ARAP1: variants seen among roughly 807,000 people sequenced by gnomAD.
ARAP1 encodes the protein ArfGAP with RhoGAP domain, ankyrin repeat and PH domain 1.
A neutral mutation model predicts 172.2 loss-of-function variants in ARAP1; 76 were observed. The ratio of observed to expected loss-of-function variants is 0.44; its 90% CI spans 0.37 to 0.53. The LOEUF (loss-of-function observed/expected upper bound fraction) is 0.53. ARAP1 is among the 20% of genes least tolerant of loss of function. ARAP1 has a pLI of 0.00. For synonymous variants in ARAP1, 804 were observed against 803.3 expected, an observed-to-expected ratio of 1.00 and a Z score of -0.01; for missense variants, 1,686 against 1,977.5, an observed-to-expected ratio of 0.85 and a Z score of 2.80.
intron 11 of ARAP1, chr11:72,708,470 G>C (rs1856863223): frequency 6.3e-6 from 1 of 158,276 alleles, no homozygotes; most frequent in Admixed American, 6.2e-5. Context: ...GAGAACGCCC[G>C]TCAGGCGGGG....
rs1172894301 is a variant in ARAP1, at chr11:72,725,473, G to C, written c.509+1147C>G. Among the ~76,000 whole-genome samples, 4 of 152,174 alleles carry C rather than the reference G, an allele frequency of 2.6e-5. No individual in the cohort carries two copies. Among genetic ancestry groups the C allele is most frequent in the South Asian group, 2.1e-4 (1 of 4,816 alleles). ...CCTGGAGAGACCCTATACCTGTTAC[G>C]AGTTGTGTGAACCCAGGAAGAGCAT... On this transcript the variant is annotated intron_variant, in intron 3 of 34. Transcript: ENST00000393609. The surrounding 1 kb of genome is among the most constrained non-coding windows in gnomAD (Gnocchi z 4.3).
In ARAP1 at chr11:72,710,702, A is replaced by C; in HGVS notation, c.1214-115T>G. 1 of 1,176,742 alleles carries C rather than the reference A, an allele frequency of 8.5e-7. No individual in the cohort carries two copies. The highest frequency in any genetic ancestry group is 1.2e-6 in the Non-Finnish European group (1 of 859,142). 72.9% of individuals were successfully genotyped at this position (1,176,742 alleles called of 1,614,324 possible). On this transcript the variant is annotated intron_variant, in intron 9 of 34. Transcript: ENST00000393609. The surrounding 1 kb of genome is among the most constrained non-coding windows in gnomAD (Gnocchi z 4.3). ...CCAGAAAGCCCACTCAGATGCCCCCATCATTTTGCTTGACTTCTCTGACTT... is the reference window on the plus strand; with the variant it reads ...CCAGAAAGCCCACTCAGATGCCCCCCTCATTTTGCTTGACTTCTCTGACTT...
chr11:72,688,443 G>C lies in ARAP1; in HGVS notation c.4070+12C>G. On this transcript the variant is annotated intron_variant, in intron 31 of 34. Transcript: ENST00000393609. Reference sequence around the variant, plus strand: ...CCCCAGTAGCAGGCCTATCTGCCCAGTCCCAGCTTACCAGGTGGGTGGCCT... The same window carrying C: ...CCCCAGTAGCAGGCCTATCTGCCCACTCCCAGCTTACCAGGTGGGTGGCCT... The C allele has an allele frequency of 1.2e-6, 2 of 1,609,400 alleles. No homozygotes were observed. The highest frequency in any genetic ancestry group is 1.7e-6 in the Non-Finnish European group (2 of 1,177,530).
In ARAP1 at chr11:72,726,856, T is replaced by C; in HGVS notation, c.273A>G (p.Ser91=). The C allele has an allele frequency of 6.4e-7, 1 of 1,552,132 alleles. No individual in the cohort carries two copies. The highest frequency in any genetic ancestry group is 8.7e-7 in the Non-Finnish European group (1 of 1,150,386). Reference sequence around the variant, plus strand: ...CGGGTGGAGTGGCAGGCACAGGTGGTGAGCGGAAGATGTGGCGCTTCATGG... The same window carrying C: ...CGGGTGGAGTGGCAGGCACAGGTGGCGAGCGGAAGATGTGGCGCTTCATGG... ...PVPMKRHIFR[S]PPVPATPPEP... Residue 91 remains serine, a synonymous_variant, in exon 3 of 35, where the codon TCA becomes TCG. Transcript: ENST00000393609. This position sits in a 1 kb window ranked among gnomAD's most constrained non-coding sequence, Gnocchi z 6.5.
rs1591175290 is a variant in ARAP1 at position 72,693,794 on chromosome 11, G to A, written c.3706C>T (p.His1236Tyr). 6.2e-7 allele frequency: 1 copy of A among 1,603,028 alleles called. No individual in the cohort carries two copies. Among genetic ancestry groups the A allele is most frequent in the African/African-American group, 1.3e-5 (1 of 74,798 alleles). ...ATGGGCAGCACCTTCTCCGCAAAGTGCAGGGGGCGCTCTGGGGAGAGGTCA... is the reference window on the plus strand; with the variant it reads ...ATGGGCAGCACCTTCTCCGCAAAGTACAGGGGGCGCTCTGGGGAGAGGTCA... Reference protein sequence around the residue: ...NEREEAERPLHFAEKVLPILH... With the variant: ...NEREEAERPLYFAEKVLPILH... The change falls in exon 28 of 35, where the codon CAC (histidine) becomes TAC (tyrosine). Residue 1236 changes from histidine (H) to tyrosine (Y), a missense_variant. His to Tyr is a moderately conservative substitution (Grantham distance 83). Transcript: ENST00000393609. This position sits in a 1 kb window ranked among gnomAD's most constrained non-coding sequence, Gnocchi z 4.6.
chr11:72,736,019 A>G (rs1000618363), intron 1 of ARAP1, among the ~76,000 whole-genome samples: 3 of 152,212 alleles, frequency 2.0e-5, no homozygotes, highest in Admixed American at 1.3e-4. Context: ...AATTGAAAAA[A>G]GAAGTTCAGA....
In ARAP1 at chr11:72,687,482, T is replaced by C; in HGVS notation, c.4142A>G (p.Gln1381Arg). ...AGCGAACCACTCCCGGAGCTCCATC[T>C]GTGTGTCACAGCAGAGGTACCTGCA... is the stretch of plus-strand genomic sequence containing the variant. ...KQQWYLCCDT[Q>R]MELREWFATF... is the part of the protein sequence containing the mutation. Residue 1381 changes from glutamine (Q) to arginine (R), a missense_variant, in exon 33 of 35, where the codon CAG (glutamine) becomes CGG (arginine). Physicochemically the swap from Gln to Arg is conservative, Grantham distance 43 (BLOSUM62 1). Transcript: ENST00000393609. The C allele has an allele frequency of 6.2e-7, 1 of 1,614,180 alleles. No homozygotes were observed. The highest frequency in any genetic ancestry group is 8.5e-7 in the Non-Finnish European group (1 of 1,180,024).
rs76602534 is a variant in ARAP1 at position 72,735,817 on chromosome 11, G to A, written c.-127-3220C>T. Among the ~76,000 whole-genome samples, 644 of 152,288 alleles carry A rather than the reference G, an allele frequency of 4.2e-3. 3 individuals carry two copies. Among genetic ancestry groups the A allele is most frequent in the African/African-American group, 0.015 (616 of 41,556 alleles). ...GGCATCTGGCTAACATCAAAGACACGGTGACTCGGCACTGACACCTCTTTG... is the reference window on the plus strand; with the variant it reads ...GGCATCTGGCTAACATCAAAGACACAGTGACTCGGCACTGACACCTCTTTG... On this transcript the variant is annotated intron_variant, in intron 1 of 34. Coordinates refer to ENST00000393609, the MANE Select transcript of ARAP1 (RefSeq NM_001040118.3).
At chr11:72,717,444 G>A (rs1370412753) in intron 3 of ARAP1, among the ~76,000 whole-genome samples, 3 of 152,156 alleles carry the variant, frequency 2.0e-5, no homozygotes, top group African/African-American at 7.2e-5. Context: ...GGGGAAGGTG[G>A]TAACCATAAA....
chr11:72,745,817 G>A lies in ARAP1; in HGVS notation c.-128+6511C>T, dbSNP rs192268544. Among the ~76,000 whole-genome samples the A allele has an allele frequency of 6.4e-3, 980 of 152,258 alleles. 5 individuals carry two copies. Among genetic ancestry groups the A allele is most frequent in the African/African-American group, 0.019 (803 of 41,558 alleles). ...TTCTCCTGGACGACTGCCTGGCTGG[G>A]CTCCTGGCTGGGTTGTGCTTCTCTG... is the stretch of plus-strand genomic sequence containing the variant. On this transcript the variant is annotated intron_variant, in intron 1 of 34. Coordinates refer to ENST00000393609, the MANE Select transcript of ARAP1 (RefSeq NM_001040118.3).
intron 13 of ARAP1, chr11:72,704,753 C>G (rs146062479): frequency 9.6e-5 from 17 of 177,912 alleles, no homozygotes; most frequent in Admixed American, 2.1e-4. Context: ...ACATTCCTCT[C>G]TGGGCAAGAG....
intron 23 of ARAP1, among the ~76,000 whole-genome samples, chr11:72,696,327 C>G (rs1191333257): frequency 6.6e-6 from 1 of 152,234 alleles, no homozygotes; most frequent in African/African-American, 2.4e-5. Context: ...CCACTCACCT[C>G]CTGCTGTGCA....
At position 72,713,213 on chromosome 11, in the gene ARAP1, T is replaced by A. The variant is rs750285945; in HGVS notation, c.710A>T (p.Glu237Val). 6.2e-7 allele frequency: 1 copy of A among 1,613,526 alleles called. No homozygotes were observed. Among genetic ancestry groups the A allele is most frequent in the African/African-American group, 1.3e-5 (1 of 75,002 alleles). ...DDSDYDEVPEEGPGAPARVMT... is the reference protein window; with the variant it reads ...DDSDYDEVPEVGPGAPARVMT... Reference sequence around the variant, plus strand: ...CACTCTGGCTGGGGCCCCCGGCCCCTCCTCTGGGACCTCATCGTAGTCAGA... The same window carrying A: ...CACTCTGGCTGGGGCCCCCGGCCCCACCTCTGGGACCTCATCGTAGTCAGA... Residue 237 changes from glutamate (E) to valine (V), a missense_variant, in exon 5 of 35, where the codon GAG becomes GTG. By Grantham distance (121) the Glu-to-Val change is moderately radical. This residue lies in a region of ARAP1 where 155 missense variants were observed against 129.2 expected (regional missense o/e 1.20). Coordinates refer to ENST00000393609, the MANE Select transcript of ARAP1 (RefSeq NM_001040118.3).
chr11:72,742,541 T>C (rs1488680062), intron 1 of ARAP1, among the ~76,000 whole-genome samples: 1 of 151,932 alleles, frequency 6.6e-6, no homozygotes, highest in Non-Finnish European at 1.5e-5. Context: ...GGTTAAGTGA[T>C]AGAGGGAGAG....
At chr11:72,692,866 G>C (rs1261198958) in intron 29 of ARAP1, 81 bp from the exon 30 acceptor site, 1 of 1,573,446 alleles carries the variant, frequency 6.4e-7, no homozygotes, top group African/African-American at 1.3e-5. Flanking sequence ...TGTGGGGTTG[G>C]GGTGTGTGTA....
At chr11:72,711,542 A>T (rs770331428) in intron 7 of ARAP1, 43 bp from the exon 8 acceptor site, 2 of 1,561,596 alleles carry the variant, frequency 1.3e-6, no homozygotes, top group East Asian at 4.5e-5. Flanking sequence ...CGGGGGTAGG[A>T]GGACAGGTTC....
At chr11:72,733,987 A>T (rs555244110) in intron 1 of ARAP1, among the ~76,000 whole-genome samples, 1 of 152,116 alleles carries the variant, frequency 6.6e-6, no homozygotes, top group East Asian at 1.9e-4. Flanking sequence ...CACCATGCCC[A>T]GCTAATTTTT....
Position 72,726,519 on chromosome 11 carries a change from G to C in ARAP1, c.509+101C>G, listed in dbSNP as rs1251824462. On this transcript the variant is annotated intron_variant, in intron 3 of 34. Coordinates refer to ENST00000393609, the MANE Select transcript of ARAP1 (RefSeq NM_001040118.3). The surrounding 1 kb of genome is among the most constrained non-coding windows in gnomAD (Gnocchi z 6.5). ...CACACGCTGTTCCCCCTGCACTTCCGAAGTGCCTTTCTTACCCCAGCACCA... is the reference window on the plus strand; with the variant it reads ...CACACGCTGTTCCCCCTGCACTTCCCAAGTGCCTTTCTTACCCCAGCACCA... 1 of 1,394,762 alleles carries C rather than the reference G, an allele frequency of 7.2e-7. No homozygotes were observed. Among genetic ancestry groups the C allele is most frequent in the Non-Finnish European group, 9.4e-7 (1 of 1,061,744 alleles). 86.4% of individuals were successfully genotyped at this position (1,394,762 alleles called of 1,614,324 possible). A position where few individuals can be genotyped will look rare whatever the true frequency, so the allele number is the denominator to read the frequency against.
chr11:72,749,110 G>A (rs4943997), intron 1 of ARAP1, among the ~76,000 whole-genome samples: 35,032 of 152,136 alleles, frequency 0.23, 4,356 homozygotes, highest in Middle Eastern at 0.37. Context: ...GCTCCAGAGC[G>A]GGGACTGGGT....
Sources: gnomAD v4.1 joint callset for allele counts (sites outside exome capture counted in the v4.1 genomes callset) on GRCh38, gnomAD v4.1.1 for gene constraint, gnomAD v4.1.1 regional missense constraint, Gnocchi (gnomAD v3.1) non-coding constraint, MANE v1.5 for transcripts, NCBI Gene and HGNC (gene_info 2026-07-23, HGNC 2026-07-21) for gene names.